The following RFX4 variants were observed in gnomAD, a reference collection of about 807,000 sequenced individuals.
RFX4 encodes the protein regulatory factor X4.
Under a neutral mutation model 95.0 loss-of-function variants are expected in RFX4, and 10 were observed. The observed-to-expected ratio is 0.11, with a 90% CI of 0.06 to 0.18. The LOEUF (loss-of-function observed/expected upper bound fraction) is 0.18. Among genes scored for constraint, RFX4 ranks in the 10% least tolerant of loss-of-function variants. The probability of loss-of-function intolerance (pLI) is 1.00; values close to 1 mark genes in which losing one functional copy is unlikely to be tolerated. For missense variants in RFX4, 640 were observed against 922.0 expected (o/e 0.69, Z 3.96); for synonymous variants, 321 against 340.7 (o/e 0.94, Z 0.64).
chr12:106,599,471 G>GTGATGATGATGA (rs3067521), intron 1 of RFX4, among the ~76,000 whole-genome samples: 9 of 150,572 alleles, frequency 6.0e-5, no homozygotes, highest in African/African-American at 2.2e-4. Flanking sequence ...AGTCATCGCT[G>GTGATGATGATGA]TGATGATGAT....
chr12:106,704,377 G>A (rs185056501), intron 8 of RFX4, among the ~76,000 whole-genome samples: 2 of 152,182 alleles, frequency 1.3e-5, no homozygotes, highest in African/African-American at 2.4e-5. Flanking sequence ...ATCAAGTGCC[G>A]TTTTCATTAA....
intron 5 of RFX4, 88 bp from the exon 6 acceptor site, chr12:106,686,796 A>T: frequency 7.8e-7 from 1 of 1,283,896 alleles, no homozygotes; most frequent in Non-Finnish European, 1.1e-6. Flanking sequence ...AACACTCCCT[A>T]CTCAGGAAAC....
chr12:106,716,350 C>CA (rs1565992707), intron 11 of RFX4, among the ~76,000 whole-genome samples: 4 of 152,072 alleles, frequency 2.6e-5, no homozygotes, highest in Admixed American at 6.5e-5. Context: ...CCAATAGTGA[C>CA]ACTGCTTGGG....
intron 2 of RFX4, among the ~76,000 whole-genome samples, chr12:106,631,192 C>A (rs1316785447): frequency 2.6e-5 from 4 of 152,216 alleles, no homozygotes; most frequent in Non-Finnish European, 5.9e-5. Flanking sequence ...GTGCCTGGCA[C>A]AATATGAGTC....
chr12:106,737,868 A>T (rs978815507), intron 15 of RFX4, among the ~76,000 whole-genome samples: 2 of 152,180 alleles, frequency 1.3e-5, no homozygotes, highest in East Asian at 3.8e-4. Flanking sequence ...GATGCGCCTC[A>T]AACTGTATTT....
At position 106,641,961 on chromosome 12, in the gene RFX4, C is replaced by CTATA. The variant is rs1565960958; in HGVS notation, c.191+2571_191+2574dup. On this transcript the variant is annotated intron_variant, in intron 3 of 17. Transcript: ENST00000392842. ...TATCTATGTCTATATCTATCTATAT[C>CTATA]TATATCTATCTATATCTATATCTAT... Among the ~76,000 whole-genome samples the CTATA allele has an allele frequency of 5.5e-4, 70 of 127,768 alleles. 1 individual carries two copies. The highest frequency in any genetic ancestry group is 2.2e-3 in the African/African-American group (70 of 32,088). 83.8% of individuals were successfully genotyped at this position (127,768 alleles called of 152,430 possible).
intron 4 of RFX4, among the ~76,000 whole-genome samples, chr12:106,672,819 A>G (rs2041312359): frequency 6.6e-6 from 1 of 151,600 alleles, no homozygotes; most frequent in Non-Finnish European, 1.5e-5. Flanking sequence ...TGCAGCTGCA[A>G]GGAGGAGGTG....
At chr12:106,602,569 C>A (rs2039734271) in intron 1 of RFX4, among the ~76,000 whole-genome samples, 1 of 152,174 alleles carries the variant, frequency 6.6e-6, no homozygotes. Context: ...TGCACCACCT[C>A]CCCGTCAGTC....
intron 17 of RFX4, among the ~76,000 whole-genome samples, chr12:106,759,919 C>T (rs777457341): frequency 6.6e-6 from 1 of 152,094 alleles, no homozygotes; most frequent in Non-Finnish European, 1.5e-5. Context: ...TGCATGCTTC[C>T]GGCCTAAGCG....
chr12:106,619,181 G>A (rs1464730836), intron 2 of RFX4, among the ~76,000 whole-genome samples: 1 of 152,018 alleles, frequency 6.6e-6, no homozygotes, highest in Non-Finnish European at 1.5e-5. Flanking sequence ...CCTTTCCAGG[G>A]TTCTTTCTCC....
intron 1 of RFX4, among the ~76,000 whole-genome samples, chr12:106,603,592 A>G (rs973010293): frequency 2.6e-5 from 4 of 152,244 alleles, no homozygotes; most frequent in African/African-American, 9.6e-5. Flanking sequence ...CCCGTTGGGC[A>G]CTTAGCACAA....
At chr12:106,590,833 C>G (rs1262817999) in intron 1 of RFX4, among the ~76,000 whole-genome samples, 1 of 151,988 alleles carries the variant, frequency 6.6e-6, no homozygotes. Context: ...TATAGTTCCA[C>G]CTACTCAGGA....
chr12:106,613,336 G>C (rs1177971798), intron 2 of RFX4, among the ~76,000 whole-genome samples: 5 of 149,534 alleles, frequency 3.3e-5, no homozygotes, highest in Non-Finnish European at 5.9e-5. Flanking sequence ...AATTCTGTTT[G>C]TTAGTATTTT....
In RFX4 at chr12:106,682,022, C is replaced by G; in HGVS notation, c.345C>G (p.Thr115=). The part of the protein sequence containing the change: ...KIIRQQFPQL[T]TRRLGTRGQS... ...TAAGGCAGCAGTTTCCTCAGTTAAC[C>G]ACCAGAAGACTCGGGACCCGAGGAC... Residue 115 remains threonine (T), a synonymous_variant, in exon 5 of 18, where the codon ACC becomes ACG. Transcript: ENST00000392842. The G allele has an allele frequency of 6.2e-7, 1 of 1,614,142 alleles. No homozygotes were observed. Among genetic ancestry groups the G allele is most frequent in the Non-Finnish European group, 8.5e-7 (1 of 1,180,022 alleles).
intron 17 of RFX4, among the ~76,000 whole-genome samples, chr12:106,759,747 A>G (rs2043176995): frequency 6.6e-6 from 1 of 152,106 alleles, no homozygotes; most frequent in Admixed American, 6.6e-5. Flanking sequence ...TTGAGTTCCC[A>G]GACACCACCT....
chr12:106,756,618 A>G (rs1181754340), intron 17 of RFX4, among the ~76,000 whole-genome samples: 1 of 152,148 alleles, frequency 6.6e-6, no homozygotes, highest in Non-Finnish European at 1.5e-5. Context: ...CTGTAGAGCC[A>G]GGCTCCCTGG....
rs750127132 is a variant in RFX4 at position 106,696,321 on chromosome 12, G to A, written c.708G>A (p.Pro236=). The A allele has an allele frequency of 2.7e-5, 44 of 1,614,060 alleles. No homozygotes were observed. The highest frequency in any genetic ancestry group is 8.3e-5 in the Admixed American group (5 of 60,014). ...SFLLHFWQGM[P]PHMLPVLGSS... ...TTCTGCACTTTTGGCAAGGAATGCC[G>A]CCCCACATGCTGCCTGTGCTGGGCT... is the stretch of plus-strand genomic sequence containing the variant. The change falls in exon 8 of 18, where the codon CCG becomes CCA. Residue 236 remains proline (P), a synonymous_variant. Transcript: ENST00000392842.
chr12:106,703,062 T>C (rs2042021593), intron 8 of RFX4, among the ~76,000 whole-genome samples: 1 of 152,206 alleles, frequency 6.6e-6, no homozygotes, highest in Admixed American at 6.5e-5. Context: ...CCATTAGCAA[T>C]TTGTTAAAAG....
chr12:106,741,420 C>G (rs980707380), intron 15 of RFX4, among the ~76,000 whole-genome samples: 5 of 152,174 alleles, frequency 3.3e-5, no homozygotes, highest in South Asian at 2.1e-4. Flanking sequence ...CAAGCAACAT[C>G]GTCCAAATAG....
Sources: gnomAD v4.1 joint callset for allele counts (sites outside exome capture counted in the v4.1 genomes callset) on GRCh38, gnomAD v4.1.1 for gene constraint, MANE v1.5 for transcripts, NCBI Gene and HGNC (gene_info 2026-07-23, HGNC 2026-07-21) for gene names.